Variants in ABI1 observed in about 807,000 individuals in gnomAD.
ABI1 encodes the protein abl interactor 1, also known as Abelson interactor 1.
A neutral mutation model predicts 54.6 loss-of-function variants in ABI1; 14 were observed. The ratio of observed to expected loss-of-function variants is 0.26; its 90% confidence interval spans 0.17 to 0.40. The LOEUF is 0.40. ABI1 is among the 10% of genes least tolerant of loss of function. ABI1 has a pLI of 1.00. For missense variants in ABI1, 443 were observed against 598.3 expected, an observed-to-expected ratio of 0.74 and a Z score of 2.71; for synonymous variants, 194 against 209.3, an observed-to-expected ratio of 0.93 and a Z score of 0.63.
intron 2 of ABI1, among the ~76,000 whole-genome samples, chr10:26,790,837 G>A (rs975927015): frequency 1.3e-5 from 2 of 152,116 alleles, no homozygotes; most frequent in Admixed American, 6.6e-5. Flanking sequence ...GGGAGGCCAA[G>A]GAGGATGGAT....
intron 1 of ABI1, among the ~76,000 whole-genome samples, chr10:26,846,386 A>AGGCTGGAGTGCAGT (rs2049982093): frequency 6.9e-6 from 1 of 144,394 alleles, no homozygotes; most frequent in Non-Finnish European, 1.5e-5. Context: ...TCTGTTGCCC[A>AGGCTGGAGTGCAGT]GGCTGGAGTG....
At chr10:26,769,118 T>C in intron 5 of ABI1, 126 bp from the exon 6 acceptor site, 1 of 726,370 alleles carries the variant, frequency 1.4e-6, no homozygotes, top group Non-Finnish European at 2.0e-6. Context: ...TGACAAAGTT[T>C]GTAATTTTAA....
intron 2 of ABI1, among the ~76,000 whole-genome samples, chr10:26,822,080 A>G (rs1297112309): frequency 1.3e-5 from 2 of 152,196 alleles, no homozygotes; most frequent in African/African-American, 4.8e-5. Flanking sequence ...CAAGAAAACC[A>G]CAGCCCAACA....
At chr10:26,777,449 A>G (rs1841551426) in intron 2 of ABI1, among the ~76,000 whole-genome samples, 1 of 152,228 alleles carries the variant, frequency 6.6e-6, no homozygotes, top group Admixed American at 6.5e-5. Flanking sequence ...ATTTGATTCT[A>G]AAACAATTCT....
chr10:26,855,691 C>T (rs766521319), intron 1 of ABI1, among the ~76,000 whole-genome samples: 1 of 152,162 alleles, frequency 6.6e-6, no homozygotes, highest in Non-Finnish European at 1.5e-5. Context: ...CTGTTTAGGG[C>T]CGGGTGCGGT....
chr10:26,852,561 A>G (rs921408812), intron 1 of ABI1, among the ~76,000 whole-genome samples: 4 of 152,220 alleles, frequency 2.6e-5, no homozygotes, highest in African/African-American at 7.2e-5. Context: ...ATCTTTTTCT[A>G]TATGATATAA....
chr10:26,834,608 C>G (rs928833055), intron 1 of ABI1, among the ~76,000 whole-genome samples: 1 of 147,114 alleles, frequency 6.8e-6, no homozygotes, highest in Admixed American at 6.8e-5. Context: ...AGAAGACATA[C>G]GAATGGCAAA....
chr10:26,844,254 C>A (rs1441746517), intron 1 of ABI1, among the ~76,000 whole-genome samples: 2 of 152,076 alleles, frequency 1.3e-5, no homozygotes, highest in Non-Finnish European at 2.9e-5. Context: ...ATTAATGACT[C>A]GGCTAAACTC....
chr10:26,791,781 T>A (rs1843501583), intron 2 of ABI1, among the ~76,000 whole-genome samples: 2 of 152,088 alleles, frequency 1.3e-5, no homozygotes, highest in Admixed American at 1.3e-4. Context: ...GAGCAACTAT[T>A]TTGCCATATA....
At chr10:26,789,464 T>C (rs1235613464) in intron 2 of ABI1, among the ~76,000 whole-genome samples, 3 of 152,176 alleles carry the variant, frequency 2.0e-5, no homozygotes, top group Non-Finnish European at 4.4e-5. Flanking sequence ...TAACAAATGA[T>C]GGTGTTTCCG....
chr10:26,847,768 A>G (rs1261966667), intron 1 of ABI1, among the ~76,000 whole-genome samples: 5 of 152,190 alleles, frequency 3.3e-5, no homozygotes, highest in African/African-American at 1.2e-4. Context: ...GAAAACATAA[A>G]ATGTATATAA....
At chr10:26,828,487 G>A (rs1015460679) in intron 1 of ABI1, among the ~76,000 whole-genome samples, 2 of 152,020 alleles carry the variant, frequency 1.3e-5, no homozygotes, top group Non-Finnish European at 2.9e-5. Flanking sequence ...GCGCAGTAAA[G>A]CAAAGCACAA....
chr10:26,856,593 G>C (rs1332985851), intron 1 of ABI1, among the ~76,000 whole-genome samples: 1 of 152,154 alleles, frequency 6.6e-6, no homozygotes, highest in Non-Finnish European at 1.5e-5. Context: ...AAATGTCACA[G>C]GAGGAGGAAA....
At chr10:26,854,348 A>C (rs2050643728) in intron 1 of ABI1, among the ~76,000 whole-genome samples, 1 of 140,184 alleles carries the variant, frequency 7.1e-6, no homozygotes, top group Non-Finnish European at 1.5e-5. Context: ...AGTCCTAAAA[A>C]TATGCAGTAT....
At chr10:26,839,792 A>G (rs1285879671) in intron 1 of ABI1, 1 of 700,936 alleles carries the variant, frequency 1.4e-6, no homozygotes, top group African/African-American at 1.8e-5. Context: ...CTCTACAGAA[A>G]AAATAAAAAT....
At chr10:26,849,641 G>A (rs2050243480) in intron 1 of ABI1, among the ~76,000 whole-genome samples, 1 of 152,178 alleles carries the variant, frequency 6.6e-6, no homozygotes, top group Non-Finnish European at 1.5e-5. Flanking sequence ...AATGAATAAA[G>A]TAAGCCTAAT....
At chr10:26,803,150 G>A (rs1370122442) in intron 2 of ABI1, among the ~76,000 whole-genome samples, 1 of 152,034 alleles carries the variant, frequency 6.6e-6, no homozygotes, top group Admixed American at 6.6e-5. Context: ...CCAGGCAAAG[G>A]GACTAGCACT....
chr10:26,812,861 C>A (rs1413320767), intron 2 of ABI1, among the ~76,000 whole-genome samples: 1 of 152,194 alleles, frequency 6.6e-6, no homozygotes, highest in Non-Finnish European at 1.5e-5. Flanking sequence ...CTCTGAGGGA[C>A]TGGGAGTTAT....
intron 3 of ABI1, 180 bp downstream of exon 3, chr10:26,776,885 C>A (rs1841469077): frequency 4.0e-6 from 2 of 502,456 alleles, no homozygotes; most frequent in Non-Finnish European, 3.4e-6. Context: ...TTTAATACAG[C>A]CTATTCAACT....
Sources: gnomAD v4.1 joint callset for allele counts (sites outside exome capture counted in the v4.1 genomes callset) on GRCh38, gnomAD v4.1.1 for gene constraint, MANE v1.5 for transcripts, NCBI Gene and HGNC (gene_info 2026-07-23, HGNC 2026-07-21) for gene names.